The following RANBP2 variants were observed in gnomAD, a reference collection of about 807,000 sequenced individuals.
The protein encoded by RANBP2 is RAN binding protein 2.
A neutral mutation model predicts 303.6 loss-of-function variants in RANBP2; 57 were observed. The observed-to-expected ratio is 0.19, with a 90% CI of 0.15 to 0.23. The LOEUF (loss-of-function observed/expected upper bound fraction) is 0.23, where lower values mean the gene tolerates loss of function less well. RANBP2 is among the 10% of genes least tolerant of loss of function. The pLI is 1.00. For synonymous variants in RANBP2, 1,167 were observed against 1,301.5 expected (o/e 0.90, Z 2.23); for missense variants, 3,138 against 3,780.8 (o/e 0.83, Z 4.46).
At chr2:108,911,503 T>C in the RANBP2 span, among the ~76,000 whole-genome samples, 1 of 152,200 alleles carries the variant, frequency 6.6e-6, no homozygotes, top group Non-Finnish European at 1.5e-5. Context: ...TTTGGCTCCA[T>C]CTTGCACCTC....
chr2:109,254,467 C>T, the RANBP2 span, among the ~76,000 whole-genome samples: 1 of 152,180 alleles, frequency 6.6e-6, no homozygotes, highest in Non-Finnish European at 1.5e-5. Context: ...TAGGGCCTGA[C>T]ACATTGCATG....
chr2:109,143,283 C>T, the RANBP2 span, among the ~76,000 whole-genome samples: 8 of 152,204 alleles, frequency 5.3e-5, no homozygotes, highest in East Asian at 3.9e-4. Context: ...AAGTAAGTAT[C>T]GTGAAACTGA....
chr2:109,602,327 A>G, the RANBP2 span, among the ~76,000 whole-genome samples: 2 of 152,186 alleles, frequency 1.3e-5, no homozygotes, highest in South Asian at 2.1e-4. Context: ...AGACAATAAA[A>G]TTGCATCTTA....
the RANBP2 span, among the ~76,000 whole-genome samples, chr2:109,619,692 C>T: frequency 2.0e-5 from 3 of 152,136 alleles, no homozygotes; most frequent in African/African-American, 7.2e-5. Context: ...TAACTTCTTT[C>T]CTTAGAAGTA....
the RANBP2 span, among the ~76,000 whole-genome samples, chr2:108,809,448 TTGTGTGTGTGTGTG>T: frequency 8.5e-5 from 12 of 141,226 alleles, no homozygotes; most frequent in East Asian, 1.0e-3. Flanking sequence ...ACATGAAATG[TTGTGTGTGTGTGTG>T]TGTGTGTGTG....
the RANBP2 span, among the ~76,000 whole-genome samples, chr2:109,205,214 AAATAAAT>A: frequency 6.6e-6 from 1 of 152,068 alleles, no homozygotes; most frequent in Non-Finnish European, 1.5e-5. Context: ...CTCTAAAAAT[AAATAAAT>A]AATAAAATAA....
chr2:109,577,659 TC>T, the RANBP2 span, among the ~76,000 whole-genome samples: 1 of 150,314 alleles, frequency 6.7e-6, no homozygotes, highest in Admixed American at 6.6e-5. Context: ...ACGCCTGCAA[TC>T]CCAGCACTTT....
the RANBP2 span, among the ~76,000 whole-genome samples, chr2:108,822,898 C>T: frequency 4.3e-4 from 65 of 152,160 alleles, 1 homozygote; most frequent in South Asian, 0.013. Context: ...ACAAAATTGA[C>T]AAACCGCTAG....
downstream of RANBP2, among the ~76,000 whole-genome samples, chr2:108,788,593 T>G (rs865790361): frequency 1.3e-3 from 188 of 142,296 alleles, no homozygotes; most frequent in African/African-American, 4.8e-3. Context: ...GGTGGCGGGC[T>G]CCTGTAGTCC....
chr2:108,725,174 G>C (rs1372273294), intron 1 of RANBP2, among the ~76,000 whole-genome samples: 1 of 152,060 alleles, frequency 6.6e-6, no homozygotes. Flanking sequence ...AGTGACATCT[G>C]CTGTCATGTA....
In RANBP2 at chr2:108,767,745, G is replaced by C. The variant is rs912839841; in HGVS notation, c.7206G>C (p.Trp2402Cys). Residue 2402 changes from tryptophan (W) to cysteine (C), a missense_variant, in exon 20 of 29, where the codon TGG becomes TGC. Physicochemically the swap from Trp to Cys is radical, Grantham distance 215 (BLOSUM62 -2). Coordinates refer to ENST00000283195, the MANE Select transcript of RANBP2 (RefSeq NM_006267.5). ...ATATGAAAGGGACAGAAAGAGTATG[G>C]TTGTGGACTGCATGTGATTTTGCAG... ...LQNMKGTERVWLWTACDFADG... is the reference protein window; with the variant it reads ...LQNMKGTERVCLWTACDFADG... The C allele has an allele frequency of 3.7e-6, 6 of 1,611,904 alleles. No individual in the cohort carries two copies. The highest frequency in any genetic ancestry group is 5.1e-6 in the Non-Finnish European group (6 of 1,179,876).
At chr2:109,470,396 C>T in the RANBP2 span, among the ~76,000 whole-genome samples, 1 of 152,138 alleles carries the variant, frequency 6.6e-6, no homozygotes, top group African/African-American at 2.4e-5. Flanking sequence ...TCCCTGGAAG[C>T]GCCTTGTCAA....
At chr2:109,146,083 TA>T in the RANBP2 span, among the ~76,000 whole-genome samples, 1 of 150,072 alleles carries the variant, frequency 6.7e-6, no homozygotes, top group Admixed American at 6.6e-5. Flanking sequence ...CTGAGAGAGG[TA>T]CCAGCTGAAC....
the RANBP2 span, among the ~76,000 whole-genome samples, chr2:109,123,980 T>TTTTTTTTA: frequency 2.0e-5 from 3 of 147,508 alleles, no homozygotes; most frequent in East Asian, 6.1e-4. Flanking sequence ...TTCTTTTCAG[T>TTTTTTTTA]TTTATTTATT....
At chr2:108,932,144 C>CT in the RANBP2 span, among the ~76,000 whole-genome samples, 1 of 152,316 alleles carries the variant, frequency 6.6e-6, no homozygotes, top group South Asian at 2.1e-4. Flanking sequence ...AACCTTCCCT[C>CT]CCTTCCTCCT....
chr2:109,740,620 A>C, the RANBP2 span, among the ~76,000 whole-genome samples: 1 of 152,228 alleles, frequency 6.6e-6, no homozygotes, highest in Non-Finnish European at 1.5e-5. Context: ...TAGAAATCAT[A>C]CAAAGCATGT....
intron 12 of RANBP2, 92 bp downstream of exon 12, chr2:108,752,086 C>G: frequency 6.3e-7 from 1 of 1,597,902 alleles, no homozygotes; most frequent in Non-Finnish European, 8.5e-7. Flanking sequence ...GTTCTGAAAA[C>G]AGCAGCTTGG....
the RANBP2 span, among the ~76,000 whole-genome samples, chr2:108,809,448 TTGTGTGTG>T: frequency 0.012 from 1,713 of 141,194 alleles, 39 homozygotes; most frequent in African/African-American, 0.038. Context: ...ACATGAAATG[TTGTGTGTG>T]TGTGTGTGTG....
chr2:109,029,593 CTT>C, the RANBP2 span, among the ~76,000 whole-genome samples: 5 of 152,192 alleles, frequency 3.3e-5, no homozygotes, highest in African/African-American at 1.2e-4. Context: ...GCCGGGCAAA[CTT>C]TACAGCATCA....
Sources: allele counts gnomAD v4.1 joint callset (sites outside exome capture counted in the v4.1 genomes callset), GRCh38; gene constraint gnomAD v4.1.1; transcripts MANE v1.5; gene names NCBI Gene and HGNC (gene_info 2026-07-23, HGNC 2026-07-21).